Variants in FRY observed in about 807,000 individuals in gnomAD.
FRY encodes the protein protein furry homolog.
A neutral mutation model predicts 348.4 loss-of-function variants in FRY; 128 were observed. That is an observed-to-expected ratio of 0.37 (90% CI 0.32 to 0.43). The LOEUF is 0.43. FRY is among the 20% of genes least tolerant of loss of function. The pLI is 1.00. For synonymous variants in FRY, 1,370 were observed against 1,374.7 expected (o/e 1.00, Z 0.08); for missense variants, 2,736 against 3,695.2 (o/e 0.74, Z 6.73).
Position 32,173,542 on chromosome 13 carries a change from A to T in FRY, c.2327A>T (p.Gln776Leu). The change falls in exon 19 of 61, where the codon CAG becomes CTG. Residue 776 changes from glutamine to leucine, a missense_variant. Physicochemically the swap from Gln to Leu is moderately radical, Grantham distance 113. Around this residue, in one of 9 missense-constraint regions of FRY, gnomAD observed 449 missense variants for 576.9 expected, o/e 0.78. Coordinates refer to ENST00000542859, the MANE Select transcript of FRY (RefSeq NM_023037.3). ...EIRALFIALG[Q>L]PEDDDRPMID... ...CGAGCGTTGTTTATTGCCCTGGGGC[A>T]GCCTGAGGTATGGATTAGTCTTCTG... is the stretch of plus-strand genomic sequence containing the variant. The T allele has an allele frequency of 6.2e-7, 1 of 1,612,540 alleles. No homozygotes were observed. Among genetic ancestry groups the T allele is most frequent in the South Asian group, 1.1e-5 (1 of 91,036 alleles).
intron 28 of FRY, among the ~76,000 whole-genome samples, chr13:32,193,718 TG>T (rs1435995343): frequency 1.3e-5 from 2 of 151,712 alleles, no homozygotes; most frequent in Non-Finnish European, 2.9e-5. Context: ...CCTGAGTAGC[TG>T]GGACTACAGG....
chr13:32,084,962 T>C (rs551585715), intron 2 of FRY, among the ~76,000 whole-genome samples: 91 of 152,270 alleles, frequency 6.0e-4, no homozygotes, highest in African/African-American at 2.1e-3. Flanking sequence ...TCATGGACAG[T>C]ACATGCTTTT....
intron 44 of FRY, among the ~76,000 whole-genome samples, chr13:32,238,894 C>T (rs1886360265): frequency 6.6e-6 from 1 of 152,142 alleles, no homozygotes; most frequent in Non-Finnish European, 1.5e-5. Flanking sequence ...TGGCCTATGT[C>T]CTCTCACACC....
intron 1 of FRY, among the ~76,000 whole-genome samples, chr13:32,059,124 T>A (rs1366181589): frequency 6.6e-6 from 1 of 152,176 alleles, no homozygotes; most frequent in Non-Finnish European, 1.5e-5. Flanking sequence ...CTACCTTTTT[T>A]TCTCTTCACT....
chr13:32,255,696 A>C (rs1199167438), intron 51 of FRY, among the ~76,000 whole-genome samples: 2 of 152,220 alleles, frequency 1.3e-5, no homozygotes, highest in Non-Finnish European at 2.9e-5. Context: ...TGTGATCCAT[A>C]ATAAATGATA....
At chr13:32,094,332 T>C (rs1876544091) in intron 2 of FRY, among the ~76,000 whole-genome samples, 1 of 152,232 alleles carries the variant, frequency 6.6e-6, no homozygotes, top group African/African-American at 2.4e-5. Context: ...GTGTCCATCC[T>C]CTGAAGCATT....
At position 32,077,405 on chromosome 13, in the gene FRY, G is replaced by A. The variant is rs368448782; in HGVS notation, c.71-1429G>A. Among the ~76,000 whole-genome samples, 17 of 152,214 alleles carry A rather than the reference G, an allele frequency of 1.1e-4. 1 individual carries two copies. The highest frequency in any genetic ancestry group is 4.1e-4 in the African/African-American group (17 of 41,530). On this transcript the variant is annotated intron_variant, in intron 1 of 60. Transcript: ENST00000542859. ...TGGATAGGATGCGGCCAGGGGGAAT[G>A]GAAAGGAAACGAGATAATATGCAAG...
At chr13:32,273,222 CTTTT>C (rs552249398) in intron 55 of FRY, among the ~76,000 whole-genome samples, 4 of 124,162 alleles carry the variant, frequency 3.2e-5, no homozygotes, top group South Asian at 2.5e-4. Context: ...TTTAACTGTT[CTTTT>C]TTTTTTTTTT....
rs1274373390 is a variant in FRY, at chr13:32,297,874, C to T, written c.*2414C>T. ...GATGCCTCAGTGATAAGAAAGATGCCTCCTTGTGTCTCACTGTTTTCTAGC... is the reference window on the plus strand; with the variant it reads ...GATGCCTCAGTGATAAGAAAGATGCTTCCTTGTGTCTCACTGTTTTCTAGC... On this transcript the variant is annotated 3_prime_UTR_variant, in exon 61 of 61. Coordinates refer to ENST00000542859, the MANE Select transcript of FRY (RefSeq NM_023037.3). The T allele has an allele frequency of 6.6e-6, 1 of 152,170 alleles. No individual in the cohort carries two copies. Among genetic ancestry groups the T allele is most frequent in the Non-Finnish European group, 1.5e-5 (1 of 68,036 alleles). 9.4% of individuals were successfully genotyped at this position (152,170 alleles called of 1,614,324 possible). A position where few individuals can be genotyped will look rare whatever the true frequency, so the allele number is the denominator to read the frequency against.
At chr13:32,153,340 A>G (rs1220598797) in intron 14 of FRY, among the ~76,000 whole-genome samples, 2 of 152,184 alleles carry the variant, frequency 1.3e-5, no homozygotes, top group South Asian at 2.1e-4. Context: ...TGAATCATCA[A>G]TACAATGGGT....
intron 20 of FRY, among the ~76,000 whole-genome samples, chr13:32,177,341 C>A (rs1316304001): frequency 6.6e-6 from 1 of 152,164 alleles, no homozygotes; most frequent in East Asian, 1.9e-4. Flanking sequence ...ATAATCCCAG[C>A]ACTTTGGGAG....
chr13:32,262,340 G>A lies in FRY; in HGVS notation c.7644G>A (p.Glu2548=), dbSNP rs781151680. 1 of 1,613,872 alleles carries A rather than the reference G, an allele frequency of 6.2e-7. No homozygotes were observed. Among genetic ancestry groups the A allele is most frequent in the South Asian group, 1.1e-5 (1 of 91,070 alleles). The change falls in exon 53 of 61, where the codon GAG becomes GAA. Residue 2548 remains glutamate, a synonymous_variant. Coordinates refer to ENST00000542859, the MANE Select transcript of FRY (RefSeq NM_023037.3). ...TCATGACTCTCTCCCCCTCTGAAGAGACGAATCCCATGGAGCTGCTCACCA... is the reference window on the plus strand; with the variant it reads ...TCATGACTCTCTCCCCCTCTGAAGAAACGAATCCCATGGAGCTGCTCACCA... ...DLIMTLSPSE[E]TNPMELLTTA...
At chr13:32,063,533 A>G (rs988739701) in intron 1 of FRY, among the ~76,000 whole-genome samples, 2 of 152,200 alleles carry the variant, frequency 1.3e-5, no homozygotes, top group African/African-American at 4.8e-5. Context: ...ACAGAGTCTG[A>G]AAACAACAGC....
intron 58 of FRY, chr13:32,287,856 T>A: frequency 7.4e-7 from 1 of 1,352,588 alleles, no homozygotes; most frequent in Non-Finnish European, 9.9e-7. Context: ...TGTGCCATGC[T>A]TGCTGTGTAG....
At chr13:32,244,346 A>C (rs984833048) in intron 47 of FRY, among the ~76,000 whole-genome samples, 164 bp downstream of exon 47, 2 of 152,176 alleles carry the variant, frequency 1.3e-5, no homozygotes, top group Admixed American at 6.5e-5. Context: ...CCACACCCTG[A>C]GTAGTATTCT....
At chr13:32,259,383 C>T (rs1887508491) in intron 51 of FRY, among the ~76,000 whole-genome samples, 1 of 152,210 alleles carries the variant, frequency 6.6e-6, no homozygotes, top group South Asian at 2.1e-4. Flanking sequence ...ACAGCCAAAC[C>T]TTATTCCTCC....
chr13:32,049,809 C>T (rs928824455), intron 1 of FRY, among the ~76,000 whole-genome samples: 21 of 152,100 alleles, frequency 1.4e-4, no homozygotes, highest in African/African-American at 5.1e-4. Context: ...TTGGTATCTT[C>T]CCTGGGTCCA....
At position 32,180,369 on chromosome 13, in the gene FRY, G is replaced by A. The variant is rs1028272058; in HGVS notation, c.2996+570G>A. 3.9e-5 allele frequency among the ~76,000 whole-genome samples: 6 copies of A among 152,096 alleles called. No individual in the cohort carries two copies. The South Asian group carries it at 8.3e-4, about 21-fold the overall frequency. On this transcript the variant is annotated intron_variant, in intron 23 of 60. Coordinates refer to ENST00000542859, the MANE Select transcript of FRY (RefSeq NM_023037.3). ...CCTGCCTCAGCCTCCTGAGTAGCTG[G>A]GGCTACAGACCCGCGCCACCACATC... is the stretch of plus-strand genomic sequence containing the variant.
intron 44 of FRY, among the ~76,000 whole-genome samples, chr13:32,238,238 C>T (rs1886316519): frequency 1.3e-5 from 2 of 152,048 alleles, no homozygotes; most frequent in Admixed American, 1.3e-4. Flanking sequence ...TTCTTTTTAG[C>T]TTTCCAGATC....
Sources: gnomAD v4.1 joint callset for allele counts (sites outside exome capture counted in the v4.1 genomes callset) on GRCh38, gnomAD v4.1.1 for gene constraint, gnomAD v4.1.1 regional missense constraint, MANE v1.5 for transcripts, NCBI Gene and HGNC (gene_info 2026-07-23, HGNC 2026-07-21) for gene names.